CLSPN: variants seen among roughly 807,000 people sequenced by gnomAD.
CLSPN encodes the protein claspin homolog.
CLSPN carries 85 observed loss-of-function variants against 156.3 expected under a neutral mutation model. The observed-to-expected ratio is 0.54, with a 90% CI of 0.46 to 0.65. CLSPN has a LOEUF of 0.65. Ranked by LOEUF, CLSPN falls within the 30% of genes least tolerant of loss-of-function variation. The pLI is 0.00. For synonymous variants in CLSPN, 534 were observed against 542.4 expected, an observed-to-expected ratio of 0.98 and a Z score of 0.22; for missense variants, 1,407 against 1,554.9, an observed-to-expected ratio of 0.90 and a Z score of 1.60.
rs1642376134 is a variant in CLSPN, at chr1:35,758,798, T to C, written c.1579+1544A>G. Among the ~76,000 whole-genome samples the C allele has an allele frequency of 1.9e-4, 16 of 84,230 alleles. No homozygotes were observed. The South Asian group carries it at 5.8e-3, about 30-fold the overall frequency. 55.3% of individuals were successfully genotyped at this position (84,230 alleles called of 152,430 possible). A position where few individuals can be genotyped will look rare whatever the true frequency, so the allele number is the denominator to read the frequency against. ...ACAAGTCATATAGTGCTTTTTTCTT[T>C]TTCTTTTTTTTTTTTTTTGAGACAG... On this transcript the variant is annotated intron_variant, in intron 8 of 24. Transcript: ENST00000318121.
chr1:35,737,625 C>T (rs937955485), intron 22 of CLSPN: 1 of 536,756 alleles, frequency 1.9e-6, no homozygotes, highest in Non-Finnish European at 3.3e-6. Flanking sequence ...TTAAGAAAAA[C>T]AGAAGTGGTC....
At chr1:35,757,549 T>C (rs1642317033) in intron 8 of CLSPN, among the ~76,000 whole-genome samples, 1 of 152,194 alleles carries the variant, frequency 6.6e-6, no homozygotes, top group Non-Finnish European at 1.5e-5. Context: ...AGCCTCAGTC[T>C]CTTCATTTTG....
Position 35,745,524 on chromosome 1 carries a change from C to A in CLSPN, c.2893G>T (p.Glu965Ter). 6.2e-7 allele frequency: 1 copy of A among 1,614,042 alleles called. No individual in the cohort carries two copies. The highest frequency in any genetic ancestry group is 8.5e-7 in the Non-Finnish European group (1 of 1,179,926). Reference sequence around the variant, plus strand: ...GGATCACCCATGCTGCTCTCCTTCTCCTGTTTATTTAACTCTGATGAGGCT... The same window carrying A: ...GGATCACCCATGCTGCTCTCCTTCTACTGTTTATTTAACTCTGATGAGGCT... ...TPASSELNKQ[E>*]KESSMGDPME... The change falls in exon 16 of 25, where the codon GAG becomes TAG. Residue 965 changes from glutamate to a stop codon, truncating the protein, a stop_gained. Coordinates refer to ENST00000318121, the MANE Select transcript of CLSPN (RefSeq NM_022111.4). LOFTEE classifies it high-confidence loss of function.
intron 16 of CLSPN, 75 bp from the exon 17 acceptor site, chr1:35,743,605 A>T (rs1641773361): frequency 8.9e-6 from 11 of 1,235,648 alleles, no homozygotes; most frequent in African/African-American, 1.5e-5. Context: ...GTTATGAATT[A>T]AAAAAAATTT....
At chr1:35,722,735 G>A (rs1571179531) in intron 24 of CLSPN, among the ~76,000 whole-genome samples, 3 of 151,744 alleles carry the variant, frequency 2.0e-5, no homozygotes, top group South Asian at 2.1e-4. Flanking sequence ...AGGATCAAGC[G>A]ATTCTCATGC....
At chr1:35,764,119 T>C in intron 3 of CLSPN, 147 bp downstream of exon 3, 1 of 619,578 alleles carries the variant, frequency 1.6e-6, no homozygotes, top group East Asian at 2.8e-5. Context: ...TAGTTTTAAA[T>C]CACATACCTA....
chr1:35,754,644 A>G (rs72902912), intron 8 of CLSPN, among the ~76,000 whole-genome samples: 4,174 of 152,246 alleles, frequency 0.027, 197 homozygotes, highest in African/African-American at 0.093. Context: ...TGAATGTTTC[A>G]TTATTGGCAA....
intron 9 of CLSPN, 62 bp downstream of exon 9, chr1:35,753,683 C>G (rs1642175618): frequency 6.8e-7 from 1 of 1,460,432 alleles, no homozygotes; most frequent in Admixed American, 1.8e-5. Flanking sequence ...TTTTCAATAG[C>G]CTTGAAGATC....
At chr1:35,720,953 G>A (rs1641060599) in exon 25 of CLSPN, 3 of 1,611,684 alleles carry the variant, frequency 1.9e-6, no homozygotes, top group Non-Finnish European at 2.5e-6. Flanking sequence ...CTCCAGGTGA[G>A]CCAGTCAGAG....
intron 18 of CLSPN, among the ~76,000 whole-genome samples, chr1:35,740,206 A>G (rs1312409797): frequency 1.3e-5 from 2 of 152,214 alleles, no homozygotes; most frequent in Non-Finnish European, 2.9e-5. Context: ...TTACAGCCTA[A>G]CAAATCTTGA....
exon 25 of CLSPN, chr1:35,720,673 C>G (rs376586514): frequency 1.3e-4 from 42 of 319,830 alleles, no homozygotes; most frequent in African/African-American, 8.4e-4. Context: ...GTCTTGATCT[C>G]CTGACCTTGT....
chr1:35,749,384 G>T, intron 12 of CLSPN, 83 bp downstream of exon 12: 1 of 1,290,352 alleles, frequency 7.7e-7, no homozygotes, highest in Non-Finnish European at 1.1e-6. Flanking sequence ...TAAAAACATG[G>T]AAACTTACCG....
intron 24 of CLSPN, among the ~76,000 whole-genome samples, chr1:35,725,815 C>T (rs1641170795): frequency 6.6e-6 from 1 of 152,126 alleles, no homozygotes; most frequent in Admixed American, 6.6e-5. Context: ...AGGAGCTCGG[C>T]AGCTGCATCC....
At chr1:35,756,320 T>C (rs1642269594) in intron 8 of CLSPN, among the ~76,000 whole-genome samples, 1 of 152,108 alleles carries the variant, frequency 6.6e-6, no homozygotes, top group African/African-American at 2.4e-5. Flanking sequence ...GTAAGAGAAA[T>C]GGTTGGGTGG....
In CLSPN at chr1:35,736,347, C is replaced by T; in HGVS notation, c.*149G>A. 10 of 1,357,506 alleles carry T rather than the reference C, an allele frequency of 7.4e-6. No homozygotes were observed. The highest frequency in any genetic ancestry group is 9.5e-6 in the Non-Finnish European group (10 of 1,056,070). 84.1% of individuals were successfully genotyped at this position (1,357,506 alleles called of 1,614,324 possible). ...AGGAAAAGAGATGTCCAGAGCTGTG[C>T]AGTAGAAATCACTGGAATTTCTGTC... On this transcript the variant is annotated 3_prime_UTR_variant, in exon 25 of 25. Coordinates refer to ENST00000318121, the MANE Select transcript of CLSPN (RefSeq NM_022111.4).
In CLSPN at chr1:35,745,571, C is replaced by T. The variant is rs1026881083; in HGVS notation, c.2855-9G>A. On this transcript the variant is annotated splice_polypyrimidine_tract_variant and intron_variant, in intron 15 of 24. Coordinates refer to ENST00000318121, the MANE Select transcript of CLSPN (RefSeq NM_022111.4). ...GGCTGGAGTGGAGGCATCTACATCA[C>T]AACAAGGAAAAGATGTGTCACCAAG... is the stretch of plus-strand genomic sequence containing the variant. 8 of 1,574,264 alleles carry T rather than the reference C, an allele frequency of 5.1e-6. No individual in the cohort carries two copies. The East Asian group carries it at 8.9e-5, about 18-fold the overall frequency.
chr1:35,742,063 C>T (rs1250333235), intron 18 of CLSPN, among the ~76,000 whole-genome samples: 1 of 146,426 alleles, frequency 6.8e-6, no homozygotes, highest in Non-Finnish European at 1.5e-5. Flanking sequence ...AGGAGGATCA[C>T]TTGAGGCCAA....
intron 24 of CLSPN, among the ~76,000 whole-genome samples, chr1:35,726,298 C>A (rs1168980680): frequency 3.3e-5 from 5 of 151,790 alleles, no homozygotes; most frequent in Non-Finnish European, 7.4e-5. Flanking sequence ...TGGCTGCTAA[C>A]AAAAGGTAGT....
intron 19 of CLSPN, 29 bp downstream of exon 19, chr1:35,739,336 T>C (rs1022561712): frequency 1.9e-6 from 3 of 1,613,774 alleles, no homozygotes; most frequent in Non-Finnish European, 2.5e-6. Context: ...TGTACCCTAT[T>C]ACTCAGAAGG....
Sources: gnomAD v4.1 joint callset for allele counts (sites outside exome capture counted in the v4.1 genomes callset) on GRCh38, gnomAD v4.1.1 for gene constraint, MANE v1.5 for transcripts, NCBI Gene and HGNC (gene_info 2026-07-23, HGNC 2026-07-21) for gene names.